The following CSNK2A2IP variants were observed in gnomAD, a reference collection of about 807,000 sequenced individuals.
CSNK2A2IP encodes casein kinase II subunit alpha'-interacting protein.
At chr3:88,382,577 T>C in the CSNK2A2IP span, 1 of 152,250 alleles carries the variant, frequency 6.6e-6, no homozygotes, top group Non-Finnish European at 1.5e-5. Flanking sequence ...GTGGTTTCTA[T>C]CTTGCAGGCC....
At chr3:88,416,583 T>C in the CSNK2A2IP span, among the ~76,000 whole-genome samples, 1 of 152,180 alleles carries the variant, frequency 6.6e-6, no homozygotes, top group African/African-American at 2.4e-5. Context: ...ATTCTACTTC[T>C]ACAAAGTCTT....
the CSNK2A2IP span, among the ~76,000 whole-genome samples, chr3:88,371,197 C>T: frequency 1.3e-5 from 2 of 151,738 alleles, no homozygotes; most frequent in African/African-American, 2.4e-5. Context: ...CAGGAAGAAA[C>T]CCATCCAGCA....
chr3:88,357,900 T>G, the CSNK2A2IP span, among the ~76,000 whole-genome samples: 4 of 151,556 alleles, frequency 2.6e-5, no homozygotes, highest in Admixed American at 6.6e-5. Flanking sequence ...TTTTTTTTTG[T>G]ATTTTTGGTA....
At chr3:88,422,197 A>C in the CSNK2A2IP span, among the ~76,000 whole-genome samples, 1 of 152,220 alleles carries the variant, frequency 6.6e-6, no homozygotes, top group Non-Finnish European at 1.5e-5. Flanking sequence ...TAAAACAAAT[A>C]ATAAAATAAT....
chr3:88,444,344 G>T, the CSNK2A2IP span, among the ~76,000 whole-genome samples: 1 of 152,072 alleles, frequency 6.6e-6, no homozygotes, highest in African/African-American at 2.4e-5. Flanking sequence ...ATATTAACAG[G>T]AGTTTATGTC....
At chr3:88,458,080 T>G in the CSNK2A2IP span, among the ~76,000 whole-genome samples, 1 of 151,722 alleles carries the variant, frequency 6.6e-6, no homozygotes, top group South Asian at 2.1e-4. Context: ...CTTTTTAATA[T>G]CAGTAGTGTG....
the CSNK2A2IP span, among the ~76,000 whole-genome samples, chr3:88,367,943 A>C: frequency 1.3e-5 from 2 of 152,080 alleles, no homozygotes; most frequent in Non-Finnish European, 2.9e-5. Flanking sequence ...CTAGTTTTAA[A>C]GTAGCAGTGA....
chr3:88,398,343 A>C, the CSNK2A2IP span, among the ~76,000 whole-genome samples: 1 of 152,116 alleles, frequency 6.6e-6, no homozygotes, highest in Non-Finnish European at 1.5e-5. Context: ...CTGTTTTATC[A>C]TGTGAACAAG....
At chr3:88,367,050 A>G in the CSNK2A2IP span, among the ~76,000 whole-genome samples, 2 of 152,214 alleles carry the variant, frequency 1.3e-5, no homozygotes, top group East Asian at 1.9e-4. Flanking sequence ...CCCTCCCACA[A>G]TACATGGGAA....
At chr3:88,395,965 G>T in the CSNK2A2IP span, among the ~76,000 whole-genome samples, 1 of 152,224 alleles carries the variant, frequency 6.6e-6, no homozygotes, top group South Asian at 2.1e-4. Context: ...GCTGTATGTA[G>T]TTGCTTGTTT....
At chr3:88,439,985 G>A in the CSNK2A2IP span, among the ~76,000 whole-genome samples, 12 of 152,128 alleles carry the variant, frequency 7.9e-5, no homozygotes, top group Admixed American at 7.9e-4. Context: ...AATCCTGGTA[G>A]AACTTCATTC....
At chr3:88,362,555 A>G in the CSNK2A2IP span, among the ~76,000 whole-genome samples, 1 of 152,294 alleles carries the variant, frequency 6.6e-6, no homozygotes, top group Non-Finnish European at 1.5e-5. Flanking sequence ...ACACTGATAC[A>G]TAATGCCCAT....
At chr3:88,376,868 C>T in the CSNK2A2IP span, among the ~76,000 whole-genome samples, 18 of 151,740 alleles carry the variant, frequency 1.2e-4, no homozygotes, top group Non-Finnish European at 1.8e-4. Flanking sequence ...CCTCTTTAAC[C>T]ACTCTGCAGC....
the CSNK2A2IP span, chr3:88,466,212 C>G: frequency 4.9e-6 from 6 of 1,231,552 alleles, no homozygotes; most frequent in African/African-American, 1.6e-5. Context: ...CTATATTGAA[C>G]TCTAACCCCA....
the CSNK2A2IP span, among the ~76,000 whole-genome samples, chr3:88,404,277 C>T: frequency 1.3e-5 from 2 of 152,004 alleles, no homozygotes; most frequent in Non-Finnish European, 2.9e-5. Flanking sequence ...AACTTAACAC[C>T]AATGGAAATG....
chr3:88,445,877 G>GTTTC, the CSNK2A2IP span, among the ~76,000 whole-genome samples: 18 of 151,296 alleles, frequency 1.2e-4, no homozygotes, highest in Admixed American at 8.6e-4. Flanking sequence ...CATTTTAATG[G>GTTTC]TTTCTTTCTT....
chr3:88,466,773 T>C, the CSNK2A2IP span: 10 of 855,286 alleles, frequency 1.2e-5, no homozygotes, highest in African/African-American at 1.4e-4. Flanking sequence ...TGTCATCAAA[T>C]TATGTGGTTT....
chr3:88,464,220 G>A, the CSNK2A2IP span, among the ~76,000 whole-genome samples: 2 of 151,396 alleles, frequency 1.3e-5, no homozygotes, highest in South Asian at 2.1e-4. Flanking sequence ...GCTAAATGAC[G>A]AGTTAATGGG....
At chr3:88,402,674 T>G in the CSNK2A2IP span, among the ~76,000 whole-genome samples, 1 of 151,342 alleles carries the variant, frequency 6.6e-6, no homozygotes, top group African/African-American at 2.4e-5. Context: ...ATGCTATGTG[T>G]AGACACACAC....
Sources: allele counts gnomAD v4.1 joint callset (sites outside exome capture counted in the v4.1 genomes callset), GRCh38; gene constraint gnomAD v4.1.1; transcripts MANE v1.5; gene names NCBI Gene and HGNC (gene_info 2026-07-23, HGNC 2026-07-21).